USP32: variants seen among roughly 807,000 people sequenced by gnomAD.
The protein encoded by USP32 is ubiquitin carboxyl-terminal hydrolase 32.
In USP32, 59 loss-of-function variants were observed where a neutral mutation model predicts 204.8. That is an observed-to-expected ratio of 0.29 (90% CI 0.23 to 0.36). USP32 has a LOEUF of 0.36. USP32 is among the 10% of genes least tolerant of loss of function. The pLI is 1.00. For synonymous variants in USP32, 517 were observed against 678.4 expected (o/e 0.76, Z 3.70); for missense variants, 1,160 against 1,946.4 (o/e 0.60, Z 7.60).
chr17:60,330,364 C>A (rs2145964527), intron 2 of USP32, among the ~76,000 whole-genome samples: 1 of 152,248 alleles, frequency 6.6e-6, no homozygotes, highest in African/African-American at 2.4e-5. Context: ...CCATATTTTT[C>A]ATGGAAGTGA....
intron 11 of USP32, among the ~76,000 whole-genome samples, chr17:60,251,360 A>G (rs1271900217): frequency 1.3e-5 from 2 of 152,196 alleles, no homozygotes; most frequent in Admixed American, 6.5e-5. Flanking sequence ...TTAAATATCT[A>G]TATCTTAATT....
intron 11 of USP32, among the ~76,000 whole-genome samples, chr17:60,241,146 C>T (rs1258532383): frequency 3.9e-5 from 6 of 152,108 alleles, no homozygotes; most frequent in East Asian, 3.8e-4. Flanking sequence ...TACAGGTGTG[C>T]GCCACCATGG....
chr17:60,361,400 GTA>G (rs1236792082), intron 1 of USP32, among the ~76,000 whole-genome samples: 4 of 152,102 alleles, frequency 2.6e-5, no homozygotes, highest in Admixed American at 2.0e-4. Flanking sequence ...CTTATGTGCT[GTA>G]TAGTTTTTCA....
chr17:60,218,259 C>T (rs1210404672), intron 16 of USP32, among the ~76,000 whole-genome samples: 2 of 152,042 alleles, frequency 1.3e-5, no homozygotes, highest in African/African-American at 2.4e-5. Flanking sequence ...TGGTGGGCGC[C>T]TGTAGTCCCA....
intron 2 of USP32, among the ~76,000 whole-genome samples, chr17:60,306,241 T>TG (rs1019210957): frequency 3.3e-5 from 5 of 152,216 alleles, no homozygotes; most frequent in African/African-American, 4.8e-5. Context: ...GCAAGGATGC[T>TG]GGCAGTCCAG....
chr17:60,378,240 A>C (rs2089585295), intron 1 of USP32, among the ~76,000 whole-genome samples: 3 of 152,104 alleles, frequency 2.0e-5, no homozygotes, highest in Admixed American at 2.0e-4. Flanking sequence ...TCAAAATGAC[A>C]ATACTATGTC....
In USP32 at chr17:60,197,538, A is replaced by T. The variant is rs1403943421; in HGVS notation, c.3434+722T>A. Among the ~76,000 whole-genome samples, 6 of 152,252 alleles carry T rather than the reference A, an allele frequency of 3.9e-5. No homozygotes were observed. In the East Asian group the frequency reaches 1.2e-3, roughly 29 times the overall value. The stretch of plus-strand genomic sequence containing the variant: ...AGATTTTTTTGAACCCAGGAGGTGG[A>T]GGCTGCAGTAAGCCAGGATCGTGCC... On this transcript the variant is annotated intron_variant, in intron 27 of 33. Transcript: ENST00000300896.
chr17:60,236,551 G>A (rs1159292037), intron 11 of USP32, among the ~76,000 whole-genome samples: 1 of 152,046 alleles, frequency 6.6e-6, no homozygotes, highest in Non-Finnish European at 1.5e-5. Flanking sequence ...GAATGTTCAT[G>A]TAACCAATGA....
intron 27 of USP32, among the ~76,000 whole-genome samples, chr17:60,197,701 G>T (rs1363438725): frequency 1.3e-5 from 2 of 152,126 alleles, no homozygotes. Flanking sequence ...CAGAGTAAAT[G>T]CATTTACTAA....
At chr17:60,421,411 C>T in intron 1 of USP32, 1 of 985,656 alleles carries the variant, frequency 1.0e-6, no homozygotes. Context: ...CCGAGGTGGC[C>T]GCTGGGTGGC....
At chr17:60,394,704 ATGTTACTGTACTGAATAC>A (rs1241611215), upstream of USP32, among the ~76,000 whole-genome samples, 1 of 152,170 alleles carries the variant, frequency 6.6e-6, no homozygotes, top group Non-Finnish European at 1.5e-5. Flanking sequence ...CCTGTATAGC[ATGTTACTGTACTGAATAC>A]TGTAGGTAAT....
intron 5 of USP32, among the ~76,000 whole-genome samples, chr17:60,274,886 T>C (rs920331545): frequency 6.6e-6 from 1 of 152,136 alleles, no homozygotes; most frequent in African/African-American, 2.4e-5. Context: ...CCACAACTCC[T>C]TCAGATCTTT....
intron 1 of USP32, among the ~76,000 whole-genome samples, chr17:60,419,327 C>T (rs1726998450): frequency 6.6e-6 from 1 of 152,122 alleles, no homozygotes; most frequent in South Asian, 2.1e-4. Flanking sequence ...AACACATGAA[C>T]ACGTAGAGGG....
At chr17:60,353,765 T>C (rs2089007577) in intron 1 of USP32, among the ~76,000 whole-genome samples, 1 of 152,076 alleles carries the variant, frequency 6.6e-6, no homozygotes, top group African/African-American at 2.4e-5. Flanking sequence ...ATAATTTAGA[T>C]AATCTATGTA....
intron 1 of USP32, among the ~76,000 whole-genome samples, chr17:60,408,881 G>A (rs2089997876): frequency 6.6e-6 from 1 of 152,148 alleles, no homozygotes; most frequent in Non-Finnish European, 1.5e-5. Context: ...ATCAAACTCT[G>A]ACATCACCCC....
At chr17:60,180,710 G>A (rs1281972746) in intron 32 of USP32, 73 bp from the exon 33 acceptor site, 2 of 1,430,364 alleles carry the variant, frequency 1.4e-6, no homozygotes, top group Non-Finnish European at 2.0e-6. Flanking sequence ...ACTAGGATCT[G>A]AGCAGGAGAA....
intron 28 of USP32, among the ~76,000 whole-genome samples, chr17:60,191,424 A>C (rs1366276900): frequency 2.1e-5 from 3 of 139,884 alleles, no homozygotes; most frequent in East Asian, 3.9e-4. Context: ...AAAAAAAAAA[A>C]AAGTTTATAG....
intron 26 of USP32, among the ~76,000 whole-genome samples, chr17:60,202,362 C>T (rs2084698588): frequency 6.6e-6 from 1 of 151,632 alleles, no homozygotes; most frequent in Non-Finnish European, 1.5e-5. Flanking sequence ...TGATGATATC[C>T]TCATATCTTA....
At chr17:60,330,198 G>A (rs910007846) in intron 2 of USP32, among the ~76,000 whole-genome samples, 1 of 152,104 alleles carries the variant, frequency 6.6e-6, no homozygotes, top group African/African-American at 2.4e-5. Context: ...AGTCAAAATT[G>A]CTCTCTTTAA....
Sources: allele counts gnomAD v4.1 joint callset (sites outside exome capture counted in the v4.1 genomes callset), GRCh38; gene constraint gnomAD v4.1.1; transcripts MANE v1.5; gene names NCBI Gene and HGNC (gene_info 2026-07-23, HGNC 2026-07-21).